The following TTI2 variants were observed in gnomAD, a reference collection of about 807,000 sequenced individuals.
TTI2 encodes TELO2 interacting protein 2, also known as TELO2-interacting protein 2.
TTI2 carries 26 observed loss-of-function variants against 44.9 expected under a neutral mutation model. The ratio of observed to expected loss-of-function variants is 0.58; its 90% CI spans 0.42 to 0.80. The LOEUF (loss-of-function observed/expected upper bound fraction) is 0.80, where lower values mean the gene tolerates loss of function less well. Among genes scored for constraint, TTI2 ranks in the 30% least tolerant of loss-of-function variants. The pLI, the probability that TTI2 is intolerant of heterozygous loss-of-function variation, is 0.00. For missense variants in TTI2, 582 were observed against 611.6 expected (o/e 0.95, Z 0.51); for synonymous variants, 254 against 250.9 (o/e 1.01, Z -0.12).
intron 6 of TTI2, among the ~76,000 whole-genome samples, chr8:33,502,295 G>A (rs542277507): frequency 5.3e-5 from 8 of 152,278 alleles, no homozygotes; most frequent in South Asian, 4.1e-4. Context: ...GATGTGCTAT[G>A]AAGTACTCTA....
chr8:33,501,168 A>G (rs905507735), intron 6 of TTI2: 1 of 152,184 alleles, frequency 6.6e-6, no homozygotes, highest in African/African-American at 2.4e-5. Flanking sequence ...TAAACAAAAA[A>G]CCCTAAAAAA....
chr8:33,507,596 A>G (rs546981186), intron 3 of TTI2, among the ~76,000 whole-genome samples: 2 of 152,090 alleles, frequency 1.3e-5, no homozygotes, highest in Non-Finnish European at 2.9e-5. Context: ...AGAGACTTGG[A>G]ATTGAAGGCT....
intron 6 of TTI2, among the ~76,000 whole-genome samples, chr8:33,501,632 T>C (rs1362324395): frequency 6.6e-6 from 1 of 152,204 alleles, no homozygotes; most frequent in Non-Finnish European, 1.5e-5. Context: ...AGATTATAAT[T>C]CCGTAGGGAG....
At chr8:33,506,896 T>C (rs1301704368) in intron 4 of TTI2, among the ~76,000 whole-genome samples, 1 of 151,900 alleles carries the variant, frequency 6.6e-6, no homozygotes, top group Non-Finnish European at 1.5e-5. Flanking sequence ...GGTTTTGGCA[T>C]GTCAGCCAGG....
chr8:33,500,575 G>T, intron 6 of TTI2, 85 bp from the exon 7 acceptor site: 1 of 1,509,268 alleles, frequency 6.6e-7, no homozygotes, highest in Non-Finnish European at 9.0e-7. Flanking sequence ...CAAGTGGAAA[G>T]CTATCATTTC....
At chr8:33,503,302 G>T in intron 6 of TTI2, 127 bp downstream of exon 6, 3 of 1,303,280 alleles carry the variant, frequency 2.3e-6, no homozygotes, top group South Asian at 2.5e-5. Context: ...TCCTATAGGT[G>T]TGTGAAAATG....
intron 2 of TTI2, among the ~76,000 whole-genome samples, chr8:33,510,630 G>A (rs561526884): frequency 2.0e-5 from 3 of 152,216 alleles, no homozygotes; most frequent in Non-Finnish European, 2.9e-5. Context: ...GACAGCCTTG[G>A]CCTCCCAAAG....
In TTI2 at chr8:33,499,008, T is replaced by C. The variant is rs182222200; in HGVS notation, c.*165A>G. The C allele has an allele frequency of 3.1e-6, 2 of 642,782 alleles. No homozygotes were observed. Among genetic ancestry groups the C allele is most frequent in the Admixed American group, 2.9e-5 (1 of 33,970 alleles). 39.8% of individuals were successfully genotyped at this position (642,782 alleles called of 1,614,324 possible). A position where few individuals can be genotyped will look rare whatever the true frequency, so the allele number is the denominator to read the frequency against. ...ATGGAAGGAGTTCAATTTTTTCTTG[T>C]TCTACTTTCCCTATTCTTATGGAGG... On this transcript the variant is annotated 3_prime_UTR_variant, in exon 8 of 8. Transcript: ENST00000431156.
chr8:33,499,085 TA>T lies in TTI2; in HGVS notation c.*87del, dbSNP rs1808960463. 3 of 1,156,790 alleles carry T rather than the reference TA, an allele frequency of 2.6e-6. No individual in the cohort carries two copies. Among genetic ancestry groups the T allele is most frequent in the Non-Finnish European group, 3.9e-6 (3 of 778,622 alleles). 71.7% of individuals were successfully genotyped at this position (1,156,790 alleles called of 1,614,324 possible). ...CAGCTTTCACTTACAAAGTTTCGTG[TA>T]AAAATATCTTTTTTTCTTAAATAAC... On this transcript the variant is annotated 3_prime_UTR_variant, in exon 8 of 8. Transcript: ENST00000431156.
intron 3 of TTI2, 83 bp downstream of exon 3, chr8:33,509,663 C>T (rs1809445878): frequency 7.4e-7 from 1 of 1,360,110 alleles, no homozygotes; most frequent in African/African-American, 1.4e-5. Flanking sequence ...AGTTGAATGA[C>T]TTAGCATTAC....
At chr8:33,503,217 A>G (rs1403834274) in intron 6 of TTI2, among the ~76,000 whole-genome samples, 1 of 152,058 alleles carries the variant, frequency 6.6e-6, no homozygotes, top group Non-Finnish European at 1.5e-5. Context: ...GATACCTGGT[A>G]AAAGAGTCAA....
At position 33,503,763 on chromosome 8, in the gene TTI2, G is replaced by T. The variant is rs398122366; in HGVS notation, c.1100C>A (p.Pro367Gln). The stretch of plus-strand genomic sequence containing the variant: ...AGGGCCTCACCTGTTCACGAAAGCC[G>T]GCAGGTTTCTTGCGTAGGTCCTGCG... ...LLRRTYARNL[P>Q]AFVNRLGILT... Residue 367 changes from proline to glutamine, a missense_variant, in exon 5 of 8, where the codon CCG becomes CAG. Transcript: ENST00000431156. 1.2e-6 allele frequency: 2 copies of T among 1,613,704 alleles called. No homozygotes were observed. The highest frequency in any genetic ancestry group is 1.7e-6 in the Non-Finnish European group (2 of 1,179,966).
Position 33,500,323 on chromosome 8 carries a change from C to T in TTI2, c.1422+5G>A. 6.2e-7 allele frequency: 1 copy of T among 1,614,036 alleles called. No individual in the cohort carries two copies. The highest frequency in any genetic ancestry group is 8.5e-7 in the Non-Finnish European group (1 of 1,179,992). On this transcript the variant is annotated splice_donor_5th_base_variant and intron_variant, in intron 7 of 7. Coordinates refer to ENST00000431156, the MANE Select transcript of TTI2 (RefSeq NM_001102401.4). ...CAACTGAAACCAAGTTTCAGTCTGC[C>T]TTACCTTTACCCGTCCTTGAGAACA... is the stretch of plus-strand genomic sequence containing the variant.
chr8:33,509,680 T>A, intron 3 of TTI2, 66 bp downstream of exon 3: 1 of 1,487,112 alleles, frequency 6.7e-7, no homozygotes, highest in East Asian at 2.3e-5. Context: ...TTACTAGAAA[T>A]GAAGAACAGC....
rs1308782579 is a variant in TTI2 at position 33,503,583 on chromosome 8, AAG to A, written c.1116-13_1116-12del. On this transcript the variant is annotated splice_polypyrimidine_tract_variant and intron_variant, in intron 5 of 7. Transcript: ENST00000431156. ...GTTAGGATCCCCAACCTAAAGATGA[AAG>A]AGAAAATATGACGCCAGTGCAGTGG... 2 of 1,613,606 alleles carry A rather than the reference AAG, an allele frequency of 1.2e-6. No individual in the cohort carries two copies. The highest frequency in any genetic ancestry group is 1.3e-5 in the African/African-American group (1 of 74,902).
rs1430771338 is a variant in TTI2, at chr8:33,503,764, G to A, written c.1099C>T (p.Pro367Ser). The change falls in exon 5 of 8, where the codon CCG (proline) becomes TCG (serine). Residue 367 changes from proline to serine, a missense_variant. Physicochemically the swap from Pro to Ser is moderately conservative, Grantham distance 74. Coordinates refer to ENST00000431156, the MANE Select transcript of TTI2 (RefSeq NM_001102401.4). ...GGGCCTCACCTGTTCACGAAAGCCG[G>A]CAGGTTTCTTGCGTAGGTCCTGCGT... is the stretch of plus-strand genomic sequence containing the variant. Reference protein sequence around the residue: ...LLRRTYARNLPAFVNRLGILT... With the variant: ...LLRRTYARNLSAFVNRLGILT... 6.2e-7 allele frequency: 1 copy of A among 1,613,668 alleles called. No homozygotes were observed. Among genetic ancestry groups the A allele is most frequent in the Admixed American group, 1.7e-5 (1 of 59,956 alleles).
intron 2 of TTI2, among the ~76,000 whole-genome samples, 185 bp downstream of exon 2, chr8:33,511,782 C>T (rs1809536383): frequency 6.6e-6 from 1 of 151,942 alleles, no homozygotes; most frequent in African/African-American, 2.4e-5. Flanking sequence ...CCAGCTACTC[C>T]GAAGGCTGAC....
intron 6 of TTI2, among the ~76,000 whole-genome samples, chr8:33,502,010 T>C (rs2676420): frequency 0.68 from 103,277 of 151,984 alleles, 35,925 homozygotes; most frequent in African/African-American, 0.82. Context: ...GTGGTTCCAT[T>C]GCACCTCACT....
intron 6 of TTI2, chr8:33,500,704 A>G (rs1253445441): frequency 1.9e-6 from 1 of 529,662 alleles, no homozygotes; most frequent in African/African-American, 1.9e-5. Context: ...ACACACAGAC[A>G]CACCCTCTGC....
Sources: gnomAD v4.1 joint callset for allele counts (sites outside exome capture counted in the v4.1 genomes callset) on GRCh38, gnomAD v4.1.1 for gene constraint, MANE v1.5 for transcripts, NCBI Gene and HGNC (gene_info 2026-07-23, HGNC 2026-07-21) for gene names.